The following PDGFD variants were observed in gnomAD, a reference collection of about 807,000 sequenced individuals.
PDGFD encodes platelet derived growth factor D.
PDGFD carries 30 observed loss-of-function variants against 44.7 expected under a neutral mutation model. The ratio of observed to expected loss-of-function variants is 0.67; its 90% confidence interval spans 0.50 to 0.91. The LOEUF is 0.91. Ranked by LOEUF, PDGFD falls within the 40% of genes least tolerant of loss-of-function variation. The pLI, the probability that PDGFD is intolerant of heterozygous loss-of-function variation, is 0.00. For missense variants in PDGFD, 445 were observed against 457.8 expected (o/e 0.97, Z 0.25); for synonymous variants, 173 against 168.4 (o/e 1.03, Z -0.21).
chr11:104,027,751 A>G (rs749733715), intron 1 of PDGFD, among the ~76,000 whole-genome samples: 11 of 152,252 alleles, frequency 7.2e-5, no homozygotes, highest in Admixed American at 1.3e-4. Context: ...ATAGAATAAC[A>G]TACATTGATT....
intron 3 of PDGFD, among the ~76,000 whole-genome samples, chr11:103,980,949 C>A (rs1859262395): frequency 6.6e-6 from 1 of 152,038 alleles, no homozygotes; most frequent in East Asian, 1.9e-4. Flanking sequence ...GCCACGAAGT[C>A]TAAGGTACTT....
At chr11:104,062,314 T>C (rs1204405755) in intron 1 of PDGFD, among the ~76,000 whole-genome samples, 1 of 152,240 alleles carries the variant, frequency 6.6e-6, no homozygotes, top group East Asian at 1.9e-4. Context: ...AACCCTGTTC[T>C]TGGCCACAGA....
chr11:103,976,788 G>A (rs1234800554), intron 3 of PDGFD, among the ~76,000 whole-genome samples: 2 of 151,990 alleles, frequency 1.3e-5, no homozygotes, highest in Non-Finnish European at 2.9e-5. Flanking sequence ...GGCCTTTTCG[G>A]CATCTATTGA....
Position 103,987,466 on chromosome 11 carries a change from G to A in PDGFD, c.510+8599C>T, listed in dbSNP as rs149904229. On this transcript the variant is annotated intron_variant, in intron 3 of 6. Transcript: ENST00000393158. The stretch of plus-strand genomic sequence containing the variant: ...AACCAGACTTGTGATCTTCCATGCA[G>A]TAGGAAGACTGTGTAAGTGTACCCA... Among the ~76,000 whole-genome samples, 735 of 152,256 alleles carry A rather than the reference G, an allele frequency of 4.8e-3. 11 individuals are homozygous for A. The highest frequency in any genetic ancestry group is 0.02 in the South Asian group (96 of 4,828).
Position 104,000,275 on chromosome 11 carries a change from G to C in PDGFD, c.125-20C>G. The C allele has an allele frequency of 6.3e-7, 1 of 1,587,650 alleles. No individual in the cohort carries two copies. The highest frequency in any genetic ancestry group is 1.1e-5 in the South Asian group (1 of 90,238). ...TGCTCTCTGTTAGTAGTCACAACTT[G>C]TAGAAATTAGTATGTTGCTCCAATT... On this transcript the variant is annotated intron_variant, in intron 1 of 6. Transcript: ENST00000393158.
chr11:103,968,027 C>G (rs1265176556), intron 3 of PDGFD, among the ~76,000 whole-genome samples: 1 of 152,118 alleles, frequency 6.6e-6, no homozygotes, highest in Non-Finnish European at 1.5e-5. Context: ...CTCTGAATTG[C>G]CAAAGCCAAC....
chr11:104,137,728 C>CTTTTTTTTTTTTTTTTTTTT (rs5794295), intron 1 of PDGFD, among the ~76,000 whole-genome samples: 16 of 76,614 alleles, frequency 2.1e-4, no homozygotes, highest in African/African-American at 7.6e-4. Flanking sequence ...TAGATCACCA[C>CTTTTTTTTTTTTTTTTTTTT]TTTTTTTTTT....
intron 1 of PDGFD, among the ~76,000 whole-genome samples, chr11:104,022,741 T>C (rs260853): frequency 0.18 from 15,747 of 87,068 alleles, 938 homozygotes; most frequent in Non-Finnish European, 0.22. Flanking sequence ...TATAAACATA[T>C]AATGTGTGTG....
At chr11:104,003,715 G>C (rs1859654770) in intron 1 of PDGFD, among the ~76,000 whole-genome samples, 1 of 152,152 alleles carries the variant, frequency 6.6e-6, no homozygotes, top group Admixed American at 6.5e-5. Flanking sequence ...GCAGGCTTTG[G>C]GGTTACAGAG....
chr11:104,101,697 CA>C (rs1218777711), intron 1 of PDGFD, among the ~76,000 whole-genome samples: 9 of 152,038 alleles, frequency 5.9e-5, no homozygotes, highest in African/African-American at 1.9e-4. Context: ...CTACAGTAAC[CA>C]AAACAGCATG....
chr11:104,109,171 G>A (rs1227707044), intron 1 of PDGFD, among the ~76,000 whole-genome samples: 4 of 151,552 alleles, frequency 2.6e-5, no homozygotes, highest in Non-Finnish European at 1.5e-5. Context: ...TGCACGATAT[G>A]CACATGCACC....
chr11:104,096,767 T>C (rs1861295164), intron 1 of PDGFD, among the ~76,000 whole-genome samples: 1 of 152,180 alleles, frequency 6.6e-6, no homozygotes, highest in African/African-American at 2.4e-5. Context: ...TATAAAGGAC[T>C]GGTGTAGAAT....
chr11:103,916,993 G>A (rs918927495), intron 6 of PDGFD, among the ~76,000 whole-genome samples: 10 of 151,914 alleles, frequency 6.6e-5, no homozygotes, highest in East Asian at 3.9e-4. Flanking sequence ...TGTAGATGAC[G>A]GGTTGATGGG....
chr11:103,938,228 T>C (rs1396907666), intron 5 of PDGFD, among the ~76,000 whole-genome samples: 1 of 152,192 alleles, frequency 6.6e-6, no homozygotes, highest in African/African-American at 2.4e-5. Flanking sequence ...GTTTCCTGAC[T>C]TTTTAATGAT....
intron 1 of PDGFD, among the ~76,000 whole-genome samples, chr11:104,128,641 G>A (rs1861873790): frequency 6.6e-6 from 1 of 152,144 alleles, no homozygotes; most frequent in Admixed American, 6.5e-5. Flanking sequence ...TATAGAATTG[G>A]TTCTGGAATG....
chr11:103,995,844 T>G (rs979670953), intron 3 of PDGFD, among the ~76,000 whole-genome samples: 2 of 152,192 alleles, frequency 1.3e-5, no homozygotes, highest in Admixed American at 1.3e-4. Context: ...TGTACTATGA[T>G]CTCTTTCAAA....
intron 4 of PDGFD, chr11:103,946,663 A>G (rs545738424): frequency 6.6e-6 from 1 of 152,192 alleles, no homozygotes; most frequent in Non-Finnish European, 1.5e-5. Flanking sequence ...GTTGACTTTC[A>G]TCTAATTGAT....
At chr11:103,947,623 C>G in intron 4 of PDGFD, 39 bp downstream of exon 4, 1 of 1,538,096 alleles carries the variant, frequency 6.5e-7, no homozygotes, top group Non-Finnish European at 9.0e-7. Flanking sequence ...GCTGTTCCAT[C>G]CGTTTCTTTT....
intron 3 of PDGFD, among the ~76,000 whole-genome samples, chr11:103,959,166 CTT>C (rs1858899613): frequency 6.6e-6 from 1 of 152,126 alleles, no homozygotes; most frequent in Non-Finnish European, 1.5e-5. Context: ...AGTGAGGTGA[CTT>C]TGCGTTGTGA....
Sources: gnomAD v4.1 joint callset for allele counts (sites outside exome capture counted in the v4.1 genomes callset) on GRCh38, gnomAD v4.1.1 for gene constraint, MANE v1.5 for transcripts, NCBI Gene and HGNC (gene_info 2026-07-23, HGNC 2026-07-21) for gene names.